The following ITGB5 variants were observed in gnomAD, a reference collection of about 807,000 sequenced individuals.
ITGB5 encodes the protein integrin beta-5.
A neutral mutation model predicts 84.8 loss-of-function variants in ITGB5; 38 were observed. That is an observed-to-expected ratio of 0.45 (90% CI 0.35 to 0.59). ITGB5 has a LOEUF of 0.59. Ranked by LOEUF, ITGB5 falls within the 20% of genes least tolerant of loss-of-function variation. The pLI is 0.01. For missense variants in ITGB5, 905 were observed against 1,034.5 expected, an observed-to-expected ratio of 0.87 and a Z score of 1.72; for synonymous variants, 393 against 414.4, an observed-to-expected ratio of 0.95 and a Z score of 0.63.
intron 2 of ITGB5, 113 bp from the exon 3 acceptor site, chr3:124,859,559 T>A: frequency 2.7e-6 from 2 of 746,676 alleles, no homozygotes; most frequent in Non-Finnish European, 4.4e-6. Flanking sequence ...TACTTTCCAT[T>A]TTCATTGTCT....
chr3:124,764,283 T>C, intron 14 of ITGB5, 108 bp downstream of exon 14: 1 of 1,214,970 alleles, frequency 8.2e-7, no homozygotes, highest in Non-Finnish European at 1.1e-6. Flanking sequence ...GATTCTTTTG[T>C]TTTTAATGCC....
upstream of ITGB5, among the ~76,000 whole-genome samples, chr3:124,891,655 G>A (rs111522975): frequency 2.0e-5 from 3 of 152,086 alleles, no homozygotes; most frequent in Non-Finnish European, 4.4e-5. Context: ...GGGAGAAGTG[G>A]CTCATGCCTG....
Position 124,762,668 on chromosome 3 carries a change from A to G in ITGB5, c.*955T>C, listed in dbSNP as rs559929522. 6.7e-6 allele frequency: 1 copy of G among 149,860 alleles called. No individual in the cohort carries two copies. Among genetic ancestry groups the G allele is most frequent in the East Asian group, 2.0e-4 (1 of 5,050 alleles). 9.3% of individuals were successfully genotyped at this position (149,860 alleles called of 1,614,324 possible). A position where few individuals can be genotyped will look rare whatever the true frequency, so the allele number is the denominator to read the frequency against. Reference sequence around the variant, plus strand: ...CACTCAACCCTTGCTTGTCTGTACAATCTATTTCCAGCCTCAGCCCCTCAG... The same window carrying G: ...CACTCAACCCTTGCTTGTCTGTACAGTCTATTTCCAGCCTCAGCCCCTCAG... On this transcript the variant is annotated 3_prime_UTR_variant, in exon 15 of 15. Coordinates refer to ENST00000296181, the MANE Select transcript of ITGB5 (RefSeq NM_002213.5).
At chr3:124,763,897 G>A (rs973987425) in intron 14 of ITGB5, among the ~76,000 whole-genome samples, 179 bp from the exon 15 acceptor site, 2 of 152,164 alleles carry the variant, frequency 1.3e-5, no homozygotes, top group Non-Finnish European at 2.9e-5. Context: ...GAAAGCCATC[G>A]CCTTCTCTAA....
intron 5 of ITGB5, among the ~76,000 whole-genome samples, chr3:124,822,002 G>A (rs2064712716): frequency 6.6e-6 from 1 of 152,206 alleles, no homozygotes; most frequent in African/African-American, 2.4e-5. Context: ...TTGAGGGTTT[G>A]TAAAACCTGC....
intron 2 of ITGB5, among the ~76,000 whole-genome samples, chr3:124,870,103 G>A (rs760699408): frequency 2.0e-5 from 3 of 152,152 alleles, no homozygotes; most frequent in African/African-American, 7.2e-5. Flanking sequence ...AAAACTGATT[G>A]AAACTTTGGT....
In ITGB5 at chr3:124,821,464, C is replaced by A. The variant is rs767839549; in HGVS notation, c.791G>T (p.Gly264Val). The change falls in exon 6 of 15, where the codon GGC (glycine) becomes GTC (valine). Residue 264 changes from glycine (G) to valine (V), a missense_variant. Gly to Val is a moderately radical substitution (Grantham distance 109). Coordinates refer to ENST00000296181, the MANE Select transcript of ITGB5 (RefSeq NM_002213.5). The part of the protein sequence containing the change: ...LQAAVCKEKI[G>V]WRKDALHLLV... ...CAAATGCAGTGCATCCTTTCGCCAG[C>A]CAATCTTCTCCTGAAGGACAGAAGG... The A allele has an allele frequency of 6.8e-6, 11 of 1,614,186 alleles. No individual in the cohort carries two copies. In the South Asian group the frequency reaches 9.9e-5, roughly 14 times the overall value.
At chr3:124,794,996 T>C (rs1276327205) in intron 10 of ITGB5, among the ~76,000 whole-genome samples, 1 of 152,162 alleles carries the variant, frequency 6.6e-6, no homozygotes. Context: ...AGTAACGCAC[T>C]TGATTATGTG....
chr3:124,887,420 CCTCCTCTCCTTT>C (rs1340402149), upstream of ITGB5: 1 of 160,326 alleles, frequency 6.2e-6, no homozygotes, highest in East Asian at 1.9e-4. Flanking sequence ...GCTCCACTTT[CCTCCTCTCCTTT>C]CTCCTCCCCT....
intron 5 of ITGB5, among the ~76,000 whole-genome samples, chr3:124,826,058 T>C (rs1035738170): frequency 2.6e-5 from 4 of 152,214 alleles, no homozygotes; most frequent in African/African-American, 7.2e-5. Flanking sequence ...ACTATAGTTA[T>C]AGTGTGATTA....
intron 5 of ITGB5, among the ~76,000 whole-genome samples, chr3:124,835,647 C>T (rs979467619): frequency 3.3e-5 from 5 of 152,208 alleles, no homozygotes; most frequent in Admixed American, 2.6e-4. Context: ...GGGTCCCTCT[C>T]TTCAGGTGGT....
At chr3:124,880,891 T>C (rs903483383) in intron 1 of ITGB5, among the ~76,000 whole-genome samples, 3 of 151,588 alleles carry the variant, frequency 2.0e-5, no homozygotes, top group African/African-American at 7.3e-5. Flanking sequence ...ATCACACCAC[T>C]GTACTCCAGC....
intron 3 of ITGB5, among the ~76,000 whole-genome samples, chr3:124,850,542 A>G (rs1281200169): frequency 1.0e-5 from 1 of 99,898 alleles, no homozygotes; most frequent in Admixed American, 1.6e-4. Context: ...TTTTAAAACC[A>G]TGGGGTGGGG....
chr3:124,897,497 T>C (rs1935126766), intron 1 of ITGB5, among the ~76,000 whole-genome samples: 1 of 152,162 alleles, frequency 6.6e-6, no homozygotes, highest in East Asian at 1.9e-4. Flanking sequence ...CTCTGACTTA[T>C]TACTCAACTC....
chr3:124,862,524 T>C (rs1364023799), intron 2 of ITGB5: 1 of 152,224 alleles, frequency 6.6e-6, no homozygotes, highest in Non-Finnish European at 1.5e-5. Flanking sequence ...CAGAAGAACT[T>C]GTACAGGGCC....
At chr3:124,847,726 T>C (rs1229275978) in intron 4 of ITGB5, among the ~76,000 whole-genome samples, 1 of 152,178 alleles carries the variant, frequency 6.6e-6, no homozygotes, top group Non-Finnish European at 1.5e-5. Flanking sequence ...TCCAGCAAGT[T>C]TGAGCCATTA....
At chr3:124,891,752 A>T (rs150053667), upstream of ITGB5, among the ~76,000 whole-genome samples, 1,131 of 151,914 alleles carry the variant, frequency 7.4e-3, 9 homozygotes, top group African/African-American at 0.025. Context: ...GTGAAACCCC[A>T]TCTCTACAAA....
chr3:124,792,814 A>T (rs1269809421), intron 10 of ITGB5: 1 of 152,148 alleles, frequency 6.6e-6, no homozygotes, highest in East Asian at 1.9e-4. Context: ...TTGGATATGA[A>T]GTCTGGCAGA....
At chr3:124,763,921 A>G (rs1266193195) in intron 14 of ITGB5, among the ~76,000 whole-genome samples, 1 of 151,960 alleles carries the variant, frequency 6.6e-6, no homozygotes, top group African/African-American at 2.4e-5. Context: ...TTCACTATCC[A>G]CCTCTGGAAG....
Sources: gnomAD v4.1 joint callset for allele counts (sites outside exome capture counted in the v4.1 genomes callset) on GRCh38, gnomAD v4.1.1 for gene constraint, MANE v1.5 for transcripts, NCBI Gene and HGNC (gene_info 2026-07-23, HGNC 2026-07-21) for gene names.